Variants in SDK2 observed in about 807,000 individuals in gnomAD.
SDK2 encodes protein sidekick-2.
In SDK2, 105 loss-of-function variants were observed where a neutral mutation model predicts 253.9. The ratio of observed to expected loss-of-function variants is 0.41; its 90% CI spans 0.35 to 0.49. SDK2 has a LOEUF of 0.49. Among genes scored for constraint, SDK2 ranks in the 20% least tolerant of loss-of-function variants. The probability of loss-of-function intolerance (pLI) is 0.06; values close to 1 mark genes in which losing one functional copy is unlikely to be tolerated. For synonymous variants in SDK2, 1,249 were observed against 1,234.9 expected (o/e 1.01, Z -0.24); for missense variants, 2,608 against 3,003.0 (o/e 0.87, Z 3.07).
chr17:73,345,590 G>T (rs186829777), intron 44 of SDK2, among the ~76,000 whole-genome samples: 5 of 152,254 alleles, frequency 3.3e-5, no homozygotes, highest in African/African-American at 1.2e-4. Flanking sequence ...ATGAATGAAT[G>T]AGCTTCATAG....
At chr17:73,592,808 C>T (rs534349540) in intron 1 of SDK2, among the ~76,000 whole-genome samples, 18 of 152,268 alleles carry the variant, frequency 1.2e-4, no homozygotes, top group East Asian at 1.9e-4. Flanking sequence ...AACCACCGTG[C>T]GTGACACCAA....
rs566117148 is a variant in SDK2 at position 73,582,998 on chromosome 17, C to T, written c.64+61027G>A. 1.8e-4 allele frequency among the ~76,000 whole-genome samples: 28 copies of T among 152,298 alleles called. No homozygotes were observed. The East Asian group carries it at 5.4e-3, about 29-fold the overall frequency. ...TGCCTGCCCCAGGGCCTTTACACAG[C>T]CCGCCTCCTCTCCCAGGACACTCAC... On this transcript the variant is annotated intron_variant, in intron 1 of 44. Coordinates refer to ENST00000392650, the MANE Select transcript of SDK2 (RefSeq NM_001144952.2).
intron 21 of SDK2, among the ~76,000 whole-genome samples, 173 bp downstream of exon 21, chr17:73,400,847 C>T (rs2063018173): frequency 1.3e-5 from 2 of 152,002 alleles, no homozygotes; most frequent in Non-Finnish European, 2.9e-5. Flanking sequence ...AGGGTTTTAC[C>T]ACGTTGGCCA....
At chr17:73,556,724 GT>G (rs1191186711) in intron 1 of SDK2, among the ~76,000 whole-genome samples, 30 of 152,320 alleles carry the variant, frequency 2.0e-4, no homozygotes, top group Admixed American at 1.9e-3. Flanking sequence ...GCTTGCCTGG[GT>G]GGAAGTCTAA....
intron 2 of SDK2, among the ~76,000 whole-genome samples, chr17:73,476,450 G>A (rs905733209): frequency 3.3e-5 from 5 of 152,064 alleles, no homozygotes; most frequent in South Asian, 2.1e-4. Context: ...TTTATCGTAC[G>A]CATATATTGC....
rs2063327979 is a variant in SDK2 at position 73,431,742 on chromosome 17, G to C, written c.1313-73C>G. On this transcript the variant is annotated intron_variant, in intron 10 of 44. Transcript: ENST00000392650. The surrounding 1 kb of genome is among the most constrained non-coding windows in gnomAD (Gnocchi z 5.6). ...ACCCTGCCCTTCCCTGGCCGCTCCA[G>C]GGCAGCATGGTCCCCCCACAGGCCC... 2 of 1,426,664 alleles carry C rather than the reference G, an allele frequency of 1.4e-6. No individual in the cohort carries two copies. The highest frequency in any genetic ancestry group is 5.1e-5 in the Admixed American group (2 of 39,172). The allele number at this position is 1,426,664 out of a possible 1,614,324, so 88.4% of individuals were successfully genotyped here. A position where few individuals can be genotyped will look rare whatever the true frequency, so the allele number is the denominator to read the frequency against.
At position 73,447,982 on chromosome 17, in the gene SDK2, G is replaced by A. The variant is rs1342394517; in HGVS notation, c.480-234C>T. 2.0e-5 allele frequency among the ~76,000 whole-genome samples: 3 copies of A among 152,024 alleles called. No individual in the cohort carries two copies. Among genetic ancestry groups the A allele is most frequent in the Non-Finnish European group, 4.4e-5 (3 of 68,006 alleles). On this transcript the variant is annotated intron_variant, in intron 4 of 44. Transcript: ENST00000392650. The surrounding 1 kb of genome is among the most constrained non-coding windows in gnomAD (Gnocchi z 4.0). ...TGTCAACCAGACCCAGAGACAGCAC[G>A]TTCATGCCCAGACGCCGAGGCCACC...
intron 44 of SDK2, among the ~76,000 whole-genome samples, chr17:73,345,736 A>G (rs953154734): frequency 6.6e-6 from 1 of 151,724 alleles, no homozygotes; most frequent in African/African-American, 2.4e-5. Flanking sequence ...GGCCTTCCCA[A>G]CTCTCTTTTT....
At chr17:73,641,442 C>T (rs545442269) in intron 1 of SDK2, among the ~76,000 whole-genome samples, 1 of 152,330 alleles carries the variant, frequency 6.6e-6, no homozygotes, top group African/African-American at 2.4e-5. Context: ...CTTTCTGCTG[C>T]CAAAGCCAAT....
chr17:73,464,481 T>A (rs1449192169), intron 3 of SDK2, among the ~76,000 whole-genome samples: 1 of 152,262 alleles, frequency 6.6e-6, no homozygotes, highest in African/African-American at 2.4e-5. Context: ...GTCTGGGGCA[T>A]GTCTTTATTA....
At chr17:73,557,303 G>A (rs1457084584) in intron 1 of SDK2, among the ~76,000 whole-genome samples, 1 of 123,416 alleles carries the variant, frequency 8.1e-6, no homozygotes, top group Non-Finnish European at 1.7e-5. Context: ...GCTGTACCTC[G>A]AGATTTTTTT....
intron 17 of SDK2, 113 bp from the exon 18 acceptor site, chr17:73,414,872 C>G: frequency 3.1e-6 from 2 of 654,420 alleles, no homozygotes; most frequent in Non-Finnish European, 5.5e-6. Flanking sequence ...TTGCACCCCC[C>G]TACCCCACCC....
chr17:73,493,183 C>T (rs900133821), intron 2 of SDK2, among the ~76,000 whole-genome samples: 1 of 152,164 alleles, frequency 6.6e-6, no homozygotes, highest in Non-Finnish European at 1.5e-5. Context: ...TCTGTGCACC[C>T]GTTAACCAGG....
intron 36 of SDK2, 37 bp from the exon 37 acceptor site, chr17:73,368,630 G>A: frequency 1.3e-6 from 2 of 1,483,684 alleles, no homozygotes; most frequent in Middle Eastern, 2.0e-4. Context: ...GAGGGGGACA[G>A]GGGCAATGAG....
Position 73,398,429 on chromosome 17 carries a change from C to T in SDK2, c.3094G>A (p.Val1032Ile). Residue 1032 changes from valine to isoleucine, a missense_variant and splice_region_variant, in exon 23 of 45, where the codon GTA (valine) becomes ATA (isoleucine). Val to Ile is a conservative substitution (Grantham distance 29). Transcript: ENST00000392650. ...SISRWLVEAQVGVVGEGEEWL... is the reference protein window; with the variant it reads ...SISRWLVEAQIGVVGEGEEWL... Reference sequence around the variant, plus strand: ...TCCTCTCCCTCCCCAACCACGCCTACCTGGAAAAGGGCAGGATCTTAGGCC... The same window carrying T: ...TCCTCTCCCTCCCCAACCACGCCTATCTGGAAAAGGGCAGGATCTTAGGCC... 1 of 1,613,256 alleles carries T rather than the reference C, an allele frequency of 6.2e-7. No homozygotes were observed. The highest frequency in any genetic ancestry group is 1.1e-5 in the South Asian group (1 of 91,028).
chr17:73,353,607 C>T (rs2881284), intron 40 of SDK2, among the ~76,000 whole-genome samples: 62,470 of 151,506 alleles, frequency 0.41, 13,123 homozygotes, highest in East Asian at 0.68. Flanking sequence ...CCATGTTGGT[C>T]AGGCTGGTCT....
chr17:73,571,287 C>T (rs1254685364), intron 1 of SDK2, among the ~76,000 whole-genome samples: 1 of 152,156 alleles, frequency 6.6e-6, no homozygotes, highest in Non-Finnish European at 1.5e-5. Flanking sequence ...ACAGAGGAGC[C>T]CCCTGAGCCC....
intron 32 of SDK2, among the ~76,000 whole-genome samples, chr17:73,385,261 G>T (rs931979622): frequency 1.3e-5 from 2 of 152,206 alleles, no homozygotes; most frequent in Admixed American, 6.5e-5. Flanking sequence ...TGAGCAGCCT[G>T]GTCGCTGAGG....
At chr17:73,375,391 C>T (rs2062769800) in intron 36 of SDK2, among the ~76,000 whole-genome samples, 1 of 151,842 alleles carries the variant, frequency 6.6e-6, no homozygotes, top group African/African-American at 2.4e-5. Context: ...AGGCATGTGC[C>T]ACCACACCCG....
Sources: allele counts gnomAD v4.1 joint callset (sites outside exome capture counted in the v4.1 genomes callset), GRCh38; gene constraint gnomAD v4.1.1; non-coding constraint Gnocchi (gnomAD v3.1); transcripts MANE v1.5; gene names NCBI Gene and HGNC (gene_info 2026-07-23, HGNC 2026-07-21).